Variants in CNGB1 observed in about 807,000 individuals in gnomAD.
CNGB1 encodes the protein cyclic nucleotide-gated channel beta-1.
In CNGB1, 126 loss-of-function variants were observed where a neutral mutation model predicts 151.7. That is an observed-to-expected ratio of 0.83 (90% CI 0.72 to 0.96). CNGB1 has a LOEUF of 0.96. Ranked by LOEUF, CNGB1 falls within the 40% of genes least tolerant of loss-of-function variation. The probability of loss-of-function intolerance (pLI) is 0.00; values close to 1 mark genes in which losing one functional copy is unlikely to be tolerated. For missense variants in CNGB1, 1,698 were observed against 1,627.0 expected (o/e 1.04, Z -0.75); for synonymous variants, 623 against 635.1 (o/e 0.98, Z 0.29).
At chr16:57,912,815 G>T in intron 24 of CNGB1, 115 bp downstream of exon 24, 1 of 1,033,686 alleles carries the variant, frequency 9.7e-7, no homozygotes, top group Non-Finnish European at 1.5e-6. Flanking sequence ...TGTGTGTTGT[G>T]TGTGTCGTGT....
At chr16:57,949,265 C>T (rs2149381244) in intron 14 of CNGB1, 88 bp downstream of exon 14, 1 of 1,596,826 alleles carries the variant, frequency 6.3e-7, no homozygotes, top group Non-Finnish European at 8.5e-7. Flanking sequence ...AAAGGAGCTC[C>T]CATGAGCAGC....
chr16:57,920,258 TG>T (rs1297061463), intron 19 of CNGB1, 128 bp downstream of exon 19: 2 of 1,005,876 alleles, frequency 2.0e-6, no homozygotes, highest in Non-Finnish European at 3.0e-6. Context: ...ATCCAGAGAG[TG>T]GGGATCTGGG....
chr16:57,884,209 G>C lies in CNGB1; in HGVS notation c.3711C>G (p.Ile1237Met), dbSNP rs777000605. The change falls in exon 33 of 33, where the codon ATC becomes ATG. Residue 1237 changes from isoleucine to methionine, a missense_variant. Transcript: ENST00000251102. ...TTTCCTCCGGCATCTTCACCGACAG[G>C]ATCTGCTCTCCCGGCTCCGGGCCCG... ...MSPGPEPGEQ[I>M]LSVKMPEERE... 1 of 1,614,008 alleles carries C rather than the reference G, an allele frequency of 6.2e-7. No homozygotes were observed. The highest frequency in any genetic ancestry group is 8.5e-7 in the Non-Finnish European group (1 of 1,179,916).
intron 31 of CNGB1, among the ~76,000 whole-genome samples, chr16:57,891,300 T>C (rs1335063482): frequency 1.3e-5 from 2 of 152,114 alleles, no homozygotes; most frequent in Non-Finnish European, 2.9e-5. Context: ...CTAGGGGAAA[T>C]ACAAGGCTAG....
intron 31 of CNGB1, among the ~76,000 whole-genome samples, chr16:57,894,950 T>C (rs1960182938): frequency 6.6e-6 from 1 of 152,210 alleles, no homozygotes. Context: ...CGACTCCAGA[T>C]AACTTTGAAC....
At position 57,904,779 on chromosome 16, in the gene CNGB1, C is replaced by A; in HGVS notation, c.2589G>T (p.Leu863=). Residue 863 remains leucine, a synonymous_variant, in exon 26 of 33, where the codon CTG becomes CTT. Coordinates refer to ENST00000251102, the MANE Select transcript of CNGB1 (RefSeq NM_001297.5). ...AAGCAAAGACGCCCGTGAAATAATT[C>A]AGCAGCTGGAAGACAATTTCAAAGA... The part of the protein sequence containing the change: ...KTLFEIVFQL[L]NYFTGVFAFS... 6.2e-7 allele frequency: 1 copy of A among 1,614,174 alleles called. No individual in the cohort carries two copies. Among genetic ancestry groups the A allele is most frequent in the Non-Finnish European group, 8.5e-7 (1 of 1,180,052 alleles).
chr16:57,942,011 C>T (rs1432287449), intron 14 of CNGB1, among the ~76,000 whole-genome samples: 2 of 152,206 alleles, frequency 1.3e-5, no homozygotes, highest in East Asian at 3.9e-4. Context: ...TCCACCACTC[C>T]TGGCTATTTT....
rs776062884 is a variant in CNGB1 at position 57,911,859 on chromosome 16, C to T, written c.2386G>A (p.Ala796Thr). 2 of 1,613,122 alleles carry T rather than the reference C, an allele frequency of 1.2e-6. No homozygotes were observed. Among genetic ancestry groups the T allele is most frequent in the Non-Finnish European group, 1.7e-6 (2 of 1,179,578 alleles). The change falls in exon 25 of 33, where the codon GCC (alanine) becomes ACC (threonine). Residue 796 changes from alanine to threonine, a missense_variant. By Grantham distance (58) the Ala-to-Thr change is moderately conservative. Transcript: ENST00000251102. ...AYVYRVIRTT[A>T]YLLYSLHLNS... Reference sequence around the variant, plus strand: ...AAATGCAGGCTGTAGAGAAGGTAGGCTGTGGTCCTGATGACCCTGCAGAAG... The same window carrying T: ...AAATGCAGGCTGTAGAGAAGGTAGGTTGTGGTCCTGATGACCCTGCAGAAG...
At chr16:57,955,171 T>A in intron 12 of CNGB1, 22 of 1,501,944 alleles carry the variant, frequency 1.5e-5, no homozygotes, top group Non-Finnish European at 1.9e-5. Flanking sequence ...TGCAGGTGAC[T>A]CTGGCTCCCC....
rs201536289 is a variant in CNGB1, at chr16:57,967,146, C to G, written c.141G>C (p.Glu47Asp). 2.5e-6 allele frequency: 4 copies of G among 1,614,214 alleles called. No individual in the cohort carries two copies. In the African/African-American group the frequency reaches 5.3e-5, roughly 22 times the overall value. The change falls in exon 2 of 33, where the codon GAG becomes GAC. Residue 47 changes from glutamate to aspartate, a missense_variant. Physicochemically the swap from Glu to Asp is conservative, Grantham distance 45. Transcript: ENST00000251102. ...VEPEPNPEEA[E>D]TESESMPPEE... ...CTCTCACCATGGACTCGGACTCTGT[C>G]TCGGCCTCCTCAGGATTCGGTTCTG...
chr16:57,913,313 T>C (rs906529944), intron 23 of CNGB1, among the ~76,000 whole-genome samples: 3 of 152,190 alleles, frequency 2.0e-5, no homozygotes, highest in Non-Finnish European at 2.9e-5. Context: ...GCATCCAGGT[T>C]AAAGCTGCTG....
chr16:57,884,436 T>G lies in CNGB1; in HGVS notation c.3484A>C (p.Lys1162Gln). The G allele has an allele frequency of 1.2e-6, 2 of 1,613,392 alleles. No homozygotes were observed. The highest frequency in any genetic ancestry group is 1.7e-6 in the Non-Finnish European group (2 of 1,179,790). ...GGGGCGGCGGAGCCTTCCTCTCCCTTGACGTCTTGCGAGCTCTTGGCCTGG... is the reference window on the plus strand; with the variant it reads ...GGGGCGGCGGAGCCTTCCTCTCCCTGGACGTCTTGCGAGCTCTTGGCCTGG... ...VEQAKSSQDV[K>Q]GEEGSAAPDQ... The change falls in exon 33 of 33, where the codon AAG becomes CAG. Residue 1162 changes from lysine to glutamine, a missense_variant. Lys to Gln is a moderately conservative substitution (Grantham distance 53, BLOSUM62 1). Coordinates refer to ENST00000251102, the MANE Select transcript of CNGB1 (RefSeq NM_001297.5).
intron 16 of CNGB1, among the ~76,000 whole-genome samples, chr16:57,937,827 T>C (rs1354949046): frequency 3.3e-5 from 5 of 152,070 alleles, no homozygotes; most frequent in Non-Finnish European, 7.4e-5. Context: ...CTGGGAAGGT[T>C]TGACAATTTC....
chr16:57,934,518 T>C (rs1961450730), intron 16 of CNGB1, among the ~76,000 whole-genome samples: 1 of 152,208 alleles, frequency 6.6e-6, no homozygotes, highest in Admixed American at 6.5e-5. Context: ...TCTAGAATCA[T>C]CATGTACTCT....
intron 17 of CNGB1, 121 bp downstream of exon 17, chr16:57,931,595 A>G: frequency 8.6e-7 from 1 of 1,167,642 alleles, no homozygotes. Context: ...CCCACTTCTG[A>G]CACCAACTCG....
At chr16:57,906,755 G>A (rs1230514956) in intron 25 of CNGB1, among the ~76,000 whole-genome samples, 3 of 152,192 alleles carry the variant, frequency 2.0e-5, no homozygotes, top group Non-Finnish European at 4.4e-5. Flanking sequence ...TAGGCGCGAT[G>A]TCCACAAAGC....
In CNGB1 at chr16:57,932,832, G is replaced by A. The variant is rs28758610; in HGVS notation, c.1373-954C>T. On this transcript the variant is annotated intron_variant, in intron 16 of 32. Transcript: ENST00000251102. ...CCTGACCTCGTGATCCACCTGCCTC[G>A]GCCTCCCAAAGTTGCTGGGATTACA... Among the ~76,000 whole-genome samples the A allele has an allele frequency of 9.4e-3, 1,428 of 152,160 alleles. 22 individuals are homozygous for A. The highest frequency in any genetic ancestry group is 0.032 in the African/African-American group (1,347 of 41,518).
intron 31 of CNGB1, 79 bp downstream of exon 31, chr16:57,897,318 A>G: frequency 4.5e-6 from 6 of 1,336,940 alleles, no homozygotes; most frequent in Non-Finnish European, 6.3e-6. Flanking sequence ...AAAAAAAAAA[A>G]GATAAAGGTA....
At chr16:57,957,113 A>G (rs16959598) in intron 12 of CNGB1, among the ~76,000 whole-genome samples, 49,133 of 152,132 alleles carry the variant, frequency 0.32, 10,600 homozygotes, top group African/African-American at 0.62. Flanking sequence ...GGGGCCTCCA[A>G]CCACCATCTG....
Sources: allele counts gnomAD v4.1 joint callset (sites outside exome capture counted in the v4.1 genomes callset), GRCh38; gene constraint gnomAD v4.1.1; transcripts MANE v1.5; gene names NCBI Gene and HGNC (gene_info 2026-07-23, HGNC 2026-07-21).